The following TOX2 variants were observed in gnomAD, a reference collection of about 807,000 sequenced individuals.
The protein encoded by TOX2 is granulosa cell HMG box 1.
In TOX2, 15 loss-of-function variants were observed where a neutral mutation model predicts 47.4. The ratio of observed to expected loss-of-function variants is 0.32; its 90% CI spans 0.21 to 0.49. The LOEUF (loss-of-function observed/expected upper bound fraction) is 0.49. TOX2 is among the 20% of genes least tolerant of loss of function. The pLI, the probability that TOX2 is intolerant of heterozygous loss-of-function variation, is 0.99. For synonymous variants in TOX2, 290 were observed against 296.6 expected (o/e 0.98, Z 0.23); for missense variants, 622 against 673.1 (o/e 0.92, Z 0.84).
rs144585012 is a variant in TOX2 at position 44,013,661 on chromosome 20, G to A, written c.411+6869G>A. 4.2e-3 allele frequency among the ~76,000 whole-genome samples: 637 copies of A among 152,312 alleles called. 6 individuals carry two copies. Among genetic ancestry groups the A allele is most frequent in the South Asian group, 9.7e-3 (47 of 4,826 alleles). ...CTTATGATTTCTCATTATTTGGCAG[G>A]TCAGCGAGGTAGTTGTTTTGATCTG... On this transcript the variant is annotated intron_variant, in intron 3 of 8. Transcript: ENST00000341197.
chr20:43,924,219 C>G (rs1442659678), intron 1 of TOX2, among the ~76,000 whole-genome samples: 1 of 152,154 alleles, frequency 6.6e-6, no homozygotes, highest in Non-Finnish European at 1.5e-5. Context: ...ATGTGGATGA[C>G]TTTTAGTGAT....
At chr20:43,962,406 G>A (rs1196146192) in intron 1 of TOX2, among the ~76,000 whole-genome samples, 1 of 152,196 alleles carries the variant, frequency 6.6e-6, no homozygotes, top group African/African-American at 2.4e-5. Flanking sequence ...ACTGTGAGGG[G>A]CTGAGGGGCT....
At chr20:43,959,694 C>G (rs536352947) in intron 1 of TOX2, among the ~76,000 whole-genome samples, 7 of 152,346 alleles carry the variant, frequency 4.6e-5, no homozygotes, top group Non-Finnish European at 8.8e-5. Flanking sequence ...TCGTTCCCCC[C>G]ACACCACAGT....
intron 3 of TOX2, 21 bp downstream of exon 3, chr20:44,006,813 G>A (rs1284190006): frequency 6.2e-7 from 1 of 1,607,174 alleles, no homozygotes; most frequent in Non-Finnish European, 8.5e-7. Flanking sequence ...ATCGCCTGCT[G>A]CAGTTCCTGC....
intron 2 of TOX2, among the ~76,000 whole-genome samples, chr20:43,984,723 C>T (rs2070235330): frequency 6.6e-6 from 1 of 152,058 alleles, no homozygotes; most frequent in Admixed American, 6.5e-5. Context: ...ATGTTTATGG[C>T]ATATAGTTTT....
intron 1 of TOX2, among the ~76,000 whole-genome samples, chr20:43,918,475 C>T (rs1051281969): frequency 6.6e-6 from 1 of 152,154 alleles, no homozygotes; most frequent in Non-Finnish European, 1.5e-5. Context: ...AGACAGCACG[C>T]CTTATCCCCA....
intron 2 of TOX2, among the ~76,000 whole-genome samples, chr20:43,978,361 G>C (rs189332774): frequency 2.0e-5 from 3 of 151,904 alleles, no homozygotes; most frequent in Non-Finnish European, 4.4e-5. Context: ...CCTCCCTCCC[G>C]CCCTTCTTCT....
intron 8 of TOX2, 107 bp downstream of exon 8, chr20:44,066,964 C>A: frequency 3.4e-6 from 5 of 1,459,192 alleles, no homozygotes; most frequent in Admixed American, 2.1e-5. Context: ...GGGGAGGACC[C>A]TGCAGTCACT....
At chr20:44,012,539 C>A (rs950274209) in intron 3 of TOX2, among the ~76,000 whole-genome samples, 1 of 152,182 alleles carries the variant, frequency 6.6e-6, no homozygotes, top group African/African-American at 2.4e-5. Context: ...CTGTGGGACT[C>A]ACTTAGTGCA....
intron 5 of TOX2, among the ~76,000 whole-genome samples, chr20:44,063,193 C>T (rs764451171): frequency 5.3e-5 from 8 of 152,100 alleles, no homozygotes; most frequent in Non-Finnish European, 1.0e-4. Context: ...GCAGGGTAAA[C>T]AGACAACCCA....
intron 2 of TOX2, among the ~76,000 whole-genome samples, chr20:43,987,437 T>G (rs999219011): frequency 6.6e-6 from 1 of 152,134 alleles, no homozygotes; most frequent in African/African-American, 2.4e-5. Context: ...TTCCTTTGAG[T>G]GCTGTTTACA....
chr20:43,975,245 C>T (rs767728665), intron 2 of TOX2, among the ~76,000 whole-genome samples: 1 of 151,982 alleles, frequency 6.6e-6, no homozygotes, highest in Non-Finnish European at 1.5e-5. Flanking sequence ...TCTGTGTCTG[C>T]TCTAGGCCTC....
chr20:44,048,388 T>TTATATATA (rs11472862), intron 3 of TOX2, among the ~76,000 whole-genome samples: 4,796 of 86,612 alleles, frequency 0.055, 413 homozygotes, highest in East Asian at 0.067. Context: ...TAAAATGAAT[T>TTATATATA]TATATATATA....
chr20:44,023,588 A>T (rs1455408191), intron 3 of TOX2, among the ~76,000 whole-genome samples: 1 of 152,218 alleles, frequency 6.6e-6, no homozygotes, highest in Non-Finnish European at 1.5e-5. Context: ...CCATCAGAAG[A>T]GCTGCACACC....
At chr20:44,067,954 C>G (rs913007396) in intron 8 of TOX2, among the ~76,000 whole-genome samples, 2 of 152,184 alleles carry the variant, frequency 1.3e-5, no homozygotes, top group African/African-American at 2.4e-5. Flanking sequence ...TGCCCCCAGC[C>G]CTAGCCTCGG....
Position 43,973,409 on chromosome 20 carries a change from C to G in TOX2, c.142C>G (p.Pro48Ala). 1 of 1,614,102 alleles carries G rather than the reference C, an allele frequency of 6.2e-7. No homozygotes were observed. Among genetic ancestry groups the G allele is most frequent in the East Asian group, 2.2e-5 (1 of 44,870 alleles). ...SAYVGMSDGN[P>A]ELLSTSQTYN... ...CTACGTGGGGATGAGTGACGGAAAC[C>G]CAGAGCTCCTGTCAACCAGCCAGGT... The change falls in exon 2 of 9, where the codon CCA becomes GCA. Residue 48 changes from proline (P) to alanine (A), a missense_variant. By Grantham distance (27) the Pro-to-Ala change is conservative. Coordinates refer to ENST00000341197, the MANE Select transcript of TOX2 (RefSeq NM_001098797.2).
intron 1 of TOX2, among the ~76,000 whole-genome samples, chr20:43,927,077 G>C (rs964144566): frequency 2.6e-5 from 4 of 152,172 alleles, no homozygotes; most frequent in African/African-American, 9.7e-5. Flanking sequence ...CAAGGACCCA[G>C]GGACATGTCA....
intron 3 of TOX2, chr20:44,007,138 T>G: frequency 3.7e-6 from 1 of 272,188 alleles, no homozygotes; most frequent in African/African-American, 2.2e-5. Flanking sequence ...TTCCATACAA[T>G]TCACCCATTT....
intron 2 of TOX2, among the ~76,000 whole-genome samples, chr20:44,000,592 G>A (rs1039995913): frequency 2.0e-5 from 3 of 152,110 alleles, no homozygotes; most frequent in African/African-American, 7.2e-5. Flanking sequence ...GGTCTGGCTC[G>A]GTGGTAAGAA....
Sources: allele counts gnomAD v4.1 joint callset (sites outside exome capture counted in the v4.1 genomes callset), GRCh38; gene constraint gnomAD v4.1.1; transcripts MANE v1.5; gene names NCBI Gene and HGNC (gene_info 2026-07-23, HGNC 2026-07-21).